The following SIL1 variants were observed in gnomAD, a reference collection of about 807,000 sequenced individuals.
SIL1 encodes the protein SIL1 nucleotide exchange factor, also known as nucleotide exchange factor SIL1.
A neutral mutation model predicts 49.1 loss-of-function variants in SIL1; 40 were observed. The observed-to-expected ratio is 0.81, with a 90% CI of 0.63 to 1.06. SIL1 has a LOEUF of 1.06. SIL1 is among the 50% of genes least tolerant of loss of function. SIL1 has a pLI of 0.00. For synonymous variants in SIL1, 253 were observed against 250.8 expected (o/e 1.01, Z -0.08); for missense variants, 500 against 572.6 (o/e 0.87, Z 1.29).
chr5:139,175,679 C>G (rs1170153475), intron 1 of SIL1, among the ~76,000 whole-genome samples: 6 of 152,018 alleles, frequency 3.9e-5, no homozygotes, highest in African/African-American at 1.4e-4. Context: ...AAACTACAGA[C>G]TGGCCAGGCG....
intron 3 of SIL1, among the ~76,000 whole-genome samples, chr5:139,056,363 C>A (rs1769423366): frequency 6.6e-6 from 1 of 150,824 alleles, no homozygotes; most frequent in African/African-American, 2.4e-5. Flanking sequence ...CCCGGCCAAC[C>A]CGTCTGAGAA....
Position 139,136,703 on chromosome 5 carries a change from G to C in SIL1, c.-10-8850C>G, listed in dbSNP as rs1581126672. ...CACAGATGAAGACATAGAGGCACAA[G>C]GGTAGGCCACTCCAAAAGGCTCAAT... On this transcript the variant is annotated intron_variant, in intron 1 of 9. Coordinates refer to ENST00000394817, the MANE Select transcript of SIL1 (RefSeq NM_022464.5). Among the ~76,000 whole-genome samples the C allele has an allele frequency of 5.3e-5, 8 of 152,244 alleles. 1 individual carries two copies. The highest frequency in any genetic ancestry group is 5.2e-4 in the Admixed American group (8 of 15,294).
At chr5:139,091,169 T>C (rs1770334374) in intron 3 of SIL1, among the ~76,000 whole-genome samples, 1 of 152,180 alleles carries the variant, frequency 6.6e-6, no homozygotes, top group African/African-American at 2.4e-5. Flanking sequence ...TTCCTAATTA[T>C]AATTCAAAAT....
intron 7 of SIL1, among the ~76,000 whole-genome samples, chr5:138,967,648 G>A (rs1238495362): frequency 6.6e-6 from 1 of 152,132 alleles, no homozygotes; most frequent in Non-Finnish European, 1.5e-5. Context: ...AGCATAAAAG[G>A]GACGTTAGAT....
chr5:138,973,975 C>T (rs542055383), intron 7 of SIL1, among the ~76,000 whole-genome samples: 6 of 152,190 alleles, frequency 3.9e-5, no homozygotes, highest in South Asian at 4.2e-4. Context: ...GAATGGATCA[C>T]GCTTCTACAC....
At chr5:139,021,577 C>G (rs1323644084) in intron 6 of SIL1, among the ~76,000 whole-genome samples, 1 of 152,206 alleles carries the variant, frequency 6.6e-6, no homozygotes, top group Non-Finnish European at 1.5e-5. Context: ...ATTCTAATAT[C>G]ATAATGAGTC....
chr5:139,151,308 C>T (rs573938367), intron 1 of SIL1, among the ~76,000 whole-genome samples: 1 of 152,204 alleles, frequency 6.6e-6, no homozygotes, highest in Non-Finnish European at 1.5e-5. Context: ...ATTCAGATAT[C>T]TCCAAGCACC....
chr5:139,178,517 T>C (rs1751926699), intron 1 of SIL1, among the ~76,000 whole-genome samples: 1 of 152,038 alleles, frequency 6.6e-6, no homozygotes, highest in Non-Finnish European at 1.5e-5. Context: ...AACCATACTT[T>C]CAGTTCCTCA....
At position 139,127,846 on chromosome 5, in the gene SIL1, T is replaced by G; in HGVS notation, c.-3A>C. 1 of 1,592,926 alleles carries G rather than the reference T, an allele frequency of 6.3e-7. No homozygotes were observed. The highest frequency in any genetic ancestry group is 8.6e-7 in the Non-Finnish European group (1 of 1,168,846). On this transcript the variant is annotated 5_prime_UTR_variant, in exon 2 of 10. Coordinates refer to ENST00000394817, the MANE Select transcript of SIL1 (RefSeq NM_022464.5). ...GAAGGCAGGCTCTGGGGAGCCATAGTCAGGGACCTGCAGGTGCAAGCATAG... is the reference window on the plus strand; with the variant it reads ...GAAGGCAGGCTCTGGGGAGCCATAGGCAGGGACCTGCAGGTGCAAGCATAG...
At chr5:138,972,716 C>T (rs73267431) in intron 7 of SIL1, among the ~76,000 whole-genome samples, 158 of 152,354 alleles carry the variant, frequency 1.0e-3, no homozygotes, top group African/African-American at 3.6e-3. Context: ...CCCAGAGAAA[C>T]AGTTCAAACA....
intron 3 of SIL1, among the ~76,000 whole-genome samples, chr5:139,116,622 T>A (rs886564591): frequency 1.3e-5 from 2 of 152,222 alleles, no homozygotes; most frequent in African/African-American, 4.8e-5. Flanking sequence ...TACATAGATA[T>A]ATATTTTTAA....
intron 1 of SIL1, among the ~76,000 whole-genome samples, chr5:139,130,428 C>T (rs1418574773): frequency 3.9e-5 from 6 of 152,138 alleles, no homozygotes; most frequent in Non-Finnish European, 8.8e-5. Flanking sequence ...CACAATGATA[C>T]ACCACTTCAC....
intron 1 of SIL1, among the ~76,000 whole-genome samples, chr5:139,189,526 A>G (rs1752131678): frequency 6.6e-6 from 1 of 152,248 alleles, no homozygotes; most frequent in African/African-American, 2.4e-5. Context: ...TACATACTAT[A>G]ATGTAATAAT....
chr5:139,129,709 A>G (rs1446525283), intron 1 of SIL1, among the ~76,000 whole-genome samples: 1 of 152,204 alleles, frequency 6.6e-6, no homozygotes, highest in African/African-American at 2.4e-5. Context: ...CCCTTACCTT[A>G]TATCATTTAT....
intron 1 of SIL1, among the ~76,000 whole-genome samples, chr5:139,135,499 GA>G (rs991630480): frequency 6.6e-6 from 1 of 152,200 alleles, no homozygotes; most frequent in Non-Finnish European, 1.5e-5. Context: ...AGCCCTGCCA[GA>G]GGGCACAGGG....
At chr5:139,054,278 G>A (rs1263280910) in intron 3 of SIL1, among the ~76,000 whole-genome samples, 2 of 152,142 alleles carry the variant, frequency 1.3e-5, no homozygotes, top group Non-Finnish European at 2.9e-5. Flanking sequence ...AGGCACAATG[G>A]CATGCTCCTA....
chr5:139,058,701 C>G (rs764308781), intron 3 of SIL1, among the ~76,000 whole-genome samples: 2 of 152,154 alleles, frequency 1.3e-5, no homozygotes, highest in Non-Finnish European at 2.9e-5. Context: ...TTTGAAAAAC[C>G]CTTCCTCCCC....
chr5:138,974,964 A>G lies in SIL1; in HGVS notation c.768-23080T>C, dbSNP rs564673820. Among the ~76,000 whole-genome samples, 286 of 152,310 alleles carry G rather than the reference A, an allele frequency of 1.9e-3. 3 individuals are homozygous for G. Among genetic ancestry groups the G allele is most frequent in the African/African-American group, 6.7e-3 (277 of 41,572 alleles). Reference sequence around the variant, plus strand: ...TAGGTTAAGTAACTTGCCCAGAGATATACAGCAACAAGCTGTATGTCCATC... The same window carrying G: ...TAGGTTAAGTAACTTGCCCAGAGATGTACAGCAACAAGCTGTATGTCCATC... On this transcript the variant is annotated intron_variant, in intron 7 of 9. Coordinates refer to ENST00000394817, the MANE Select transcript of SIL1 (RefSeq NM_022464.5).
intron 3 of SIL1, among the ~76,000 whole-genome samples, chr5:139,058,559 CTAAT>C (rs1181823145): frequency 1.3e-5 from 2 of 152,150 alleles, no homozygotes; most frequent in Non-Finnish European, 2.9e-5. Context: ...TGTCACTCCT[CTAAT>C]TATTTGTATG....
Sources: allele counts gnomAD v4.1 joint callset (sites outside exome capture counted in the v4.1 genomes callset), GRCh38; gene constraint gnomAD v4.1.1; transcripts MANE v1.5; gene names NCBI Gene and HGNC (gene_info 2026-07-23, HGNC 2026-07-21).